The following CCNH variants were observed in gnomAD, a reference collection of about 807,000 sequenced individuals.
CCNH encodes cyclin-H.
Under a neutral mutation model 41.9 loss-of-function variants are expected in CCNH, and 31 were observed. The observed-to-expected ratio is 0.74, with a 90% CI of 0.56 to 1.00. The LOEUF is 1.00. Ranked by LOEUF, CCNH falls within the 50% of genes least tolerant of loss-of-function variation. The pLI is 0.00. For synonymous variants in CCNH, 138 were observed against 136.1 expected, an observed-to-expected ratio of 1.01 and a Z score of -0.10; for missense variants, 362 against 388.4, an observed-to-expected ratio of 0.93 and a Z score of 0.57.
At position 87,347,709 on chromosome 5, in the gene CCNH, C is replaced by CA. The variant is rs757273740; in HGVS notation, c.*91-28813dup. ...TGTGAAGCTGTAGGTTAAGTAGGTT[C>CA]AAAAAATAAGTTAAAAAAGATTATG... On this transcript the variant is annotated intron_variant and NMD_transcript_variant, in intron 9 of 9. Transcript: ENST00000645953. Among the ~76,000 whole-genome samples the CA allele has an allele frequency of 5.3e-5, 8 of 151,482 alleles. 1 individual carries two copies. The South Asian group carries it at 6.2e-4, about 12-fold the overall frequency.
At chr5:87,389,140 C>T (rs1762280452), downstream of CCNH, among the ~76,000 whole-genome samples, 1 of 152,022 alleles carries the variant, frequency 6.6e-6, no homozygotes, top group African/African-American at 2.4e-5. Flanking sequence ...AGAATCTTTT[C>T]ACATGAGACT....
chr5:87,381,915 C>A (rs114013246), upstream of CCNH, among the ~76,000 whole-genome samples: 1,150 of 152,246 alleles, frequency 7.6e-3, 21 homozygotes, highest in African/African-American at 0.027. Flanking sequence ...GTAAAGTTTA[C>A]AAGATTCTTT....
At chr5:87,404,820 C>A in intron 5 of CCNH, 24 bp downstream of exon 5, 2 of 1,561,042 alleles carry the variant, frequency 1.3e-6, no homozygotes, top group Non-Finnish European at 1.7e-6. Context: ...TGAATTTGAC[C>A]TAAGTTAAAA....
upstream of CCNH, among the ~76,000 whole-genome samples, chr5:87,379,035 CACAT>C (rs1284608097): frequency 6.6e-6 from 1 of 152,126 alleles, no homozygotes; most frequent in Non-Finnish European, 1.5e-5. Flanking sequence ...GAATCTCACA[CACAT>C]ATTCTCTCAT....
Position 87,394,465 on chromosome 5 carries a change from T to C in CCNH, c.953A>G (p.Asp318Gly), listed in dbSNP as rs749372407. The change falls in exon 9 of 9, where the codon GAC (aspartate) becomes GGC (glycine). Residue 318 changes from aspartate to glycine, a missense_variant. Physicochemically the swap from Asp to Gly is moderately conservative, Grantham distance 94 (BLOSUM62 -1). Coordinates refer to ENST00000256897, the MANE Select transcript of CCNH (RefSeq NM_001239.4). ...KHEEEEWTDD[D>G]LVESL ...AAATGGTTAGAGAGATTCTACCAGG[T>C]CGTCATCAGTCCATTCTTCCTAAGA... is the stretch of plus-strand genomic sequence containing the variant. 1.2e-6 allele frequency: 2 copies of C among 1,613,554 alleles called. No individual in the cohort carries two copies. The highest frequency in any genetic ancestry group is 2.2e-5 in the South Asian group (2 of 91,036).
At chr5:87,385,908 A>G (rs975176094) in intron 9 of CCNH, among the ~76,000 whole-genome samples, 10 of 151,994 alleles carry the variant, frequency 6.6e-5, no homozygotes, top group Non-Finnish European at 2.9e-5. Context: ...GATGGCTTCC[A>G]TTTGTCCCTG....
At chr5:87,335,419 GTTTTTTTTTTTTTT>G in intron 9 of CCNH, among the ~76,000 whole-genome samples, 1 of 72,924 alleles carries the variant, frequency 1.4e-5, no homozygotes, top group South Asian at 6.5e-4. Flanking sequence ...AAAGAATGAG[GTTTTTTTTTTTTTT>G]TTTTTTTTTT....
At chr5:87,321,258 C>G (rs1437060021) in intron 9 of CCNH, among the ~76,000 whole-genome samples, 1 of 152,214 alleles carries the variant, frequency 6.6e-6, no homozygotes, top group Non-Finnish European at 1.5e-5. Context: ...TGCTCTTACA[C>G]CACAACAATC....
chr5:87,387,023 T>A, downstream of CCNH: 1 of 912,326 alleles, frequency 1.1e-6, no homozygotes, highest in Non-Finnish European at 1.7e-6. Flanking sequence ...ACAAAAAGCC[T>A]GCAAATTTTT....
chr5:87,348,996 G>A (rs747409267), intron 9 of CCNH, among the ~76,000 whole-genome samples: 32 of 151,732 alleles, frequency 2.1e-4, no homozygotes, highest in Non-Finnish European at 4.3e-4. Context: ...ATGTATTAAA[G>A]CTGGTAAGAT....
intron 7 of CCNH, among the ~76,000 whole-genome samples, chr5:87,396,885 G>A (rs1188102552): frequency 6.6e-6 from 1 of 152,190 alleles, no homozygotes; most frequent in Non-Finnish European, 1.5e-5. Context: ...TACGTGCAGA[G>A]AAAAGGCTGG....
downstream of CCNH, among the ~76,000 whole-genome samples, chr5:87,374,594 A>G (rs1019077698): frequency 9.2e-5 from 14 of 151,676 alleles, no homozygotes; most frequent in African/African-American, 3.4e-4. Context: ...AACATTTACT[A>G]GGGTTTCCAG....
intron 9 of CCNH, among the ~76,000 whole-genome samples, chr5:87,354,281 A>G (rs1212310024): frequency 6.6e-6 from 1 of 152,028 alleles, no homozygotes; most frequent in Non-Finnish European, 1.5e-5. Context: ...TTTTTTTACA[A>G]ATTGAAGGTT....
chr5:87,394,245 A>G, downstream of CCNH: 1 of 1,237,976 alleles, frequency 8.1e-7, no homozygotes, highest in Non-Finnish European at 1.0e-6. Flanking sequence ...CGATGGAATA[A>G]GAATATTCAA....
At chr5:87,386,608 T>C (rs991962354), downstream of CCNH, among the ~76,000 whole-genome samples, 3 of 152,044 alleles carry the variant, frequency 2.0e-5, no homozygotes, top group East Asian at 3.8e-4. Context: ...AGAAGGAAAA[T>C]ACTGTCATTA....
chr5:87,381,609 T>C (rs527676145), upstream of CCNH, among the ~76,000 whole-genome samples: 1 of 152,306 alleles, frequency 6.6e-6, no homozygotes, highest in East Asian at 1.9e-4. Context: ...GTAATATTTC[T>C]CTTGGTTATG....
At chr5:87,393,408 C>T (rs1011719093), downstream of CCNH, 1 of 152,076 alleles carries the variant, frequency 6.6e-6, no homozygotes, top group Non-Finnish European at 1.5e-5. Context: ...TCTAATTAAT[C>T]CTATGAAGAG....
At chr5:87,382,706 A>G (rs909380230) in intron 9 of CCNH, among the ~76,000 whole-genome samples, 1 of 152,174 alleles carries the variant, frequency 6.6e-6, no homozygotes, top group Admixed American at 6.6e-5. Flanking sequence ...CATATATGAC[A>G]GCTGTTAGTA....
At chr5:87,389,978 C>T (rs1377959386), downstream of CCNH, among the ~76,000 whole-genome samples, 1 of 152,084 alleles carries the variant, frequency 6.6e-6, no homozygotes, top group Non-Finnish European at 1.5e-5. Flanking sequence ...GAAGTGTGGC[C>T]TTGAAAGCTG....
Sources: gnomAD v4.1 joint callset for allele counts (sites outside exome capture counted in the v4.1 genomes callset) on GRCh38, gnomAD v4.1.1 for gene constraint, MANE v1.5 for transcripts, NCBI Gene and HGNC (gene_info 2026-07-23, HGNC 2026-07-21) for gene names.